PTGFRN: variants seen among roughly 807,000 people sequenced by gnomAD.
The protein encoded by PTGFRN is prostaglandin F2 receptor inhibitor.
In PTGFRN, 35 loss-of-function variants were observed where a neutral mutation model predicts 83.2. The observed-to-expected ratio is 0.42, with a 90% CI of 0.32 to 0.56. The LOEUF (loss-of-function observed/expected upper bound fraction) is 0.56, where lower values mean the gene tolerates loss of function less well. PTGFRN is among the 20% of genes least tolerant of loss of function. The pLI, the probability that PTGFRN is intolerant of heterozygous loss-of-function variation, is 0.11. For synonymous variants in PTGFRN, 519 were observed against 498.6 expected (o/e 1.04, Z -0.55); for missense variants, 1,051 against 1,179.5 (o/e 0.89, Z 1.60).
At chr1:116,969,503 T>C (rs1650934157) in intron 6 of PTGFRN, among the ~76,000 whole-genome samples, 2 of 152,218 alleles carry the variant, frequency 1.3e-5, no homozygotes, top group African/African-American at 4.8e-5. Context: ...TTACTGTAGC[T>C]TTGTAGTTAG....
intron 6 of PTGFRN, among the ~76,000 whole-genome samples, chr1:116,973,329 A>G (rs530433516): frequency 9.1e-4 from 139 of 152,210 alleles, no homozygotes; most frequent in African/African-American, 3.3e-3. Context: ...CAACCTCAGT[A>G]GTCTCTTAAA....
At position 116,944,840 on chromosome 1, in the gene PTGFRN, C is replaced by T. The variant is rs1451622057; in HGVS notation, c.580C>T (p.Arg194Trp). Residue 194 changes from arginine (R) to tryptophan (W), a missense_variant, in exon 3 of 9, where the codon CGG becomes TGG. Physicochemically the swap from Arg to Trp is moderately radical, Grantham distance 101 (BLOSUM62 -3). Around this residue, in one of 3 missense-constraint regions of PTGFRN, gnomAD observed 205 missense variants for 174.5 expected, o/e 1.17. Coordinates refer to ENST00000393203, the MANE Select transcript of PTGFRN (RefSeq NM_020440.4). ...GGAGGTGCACCGCGGCCCGGCCAGG[C>T]GGAGCGTCCTCGCCCTGACCCACGA... Reference protein sequence around the residue: ...LWEVHRGPARRSVLALTHEGR... With the variant: ...LWEVHRGPARWSVLALTHEGR... The T allele has an allele frequency of 5.0e-6, 8 of 1,588,930 alleles. No homozygotes were observed. The highest frequency in any genetic ancestry group is 4.5e-5 in the East Asian group (2 of 43,960).
intron 3 of PTGFRN, 75 bp from the exon 4 acceptor site, chr1:116,949,117 G>A (rs182755489): frequency 8.3e-4 from 1,234 of 1,493,680 alleles, no homozygotes; most frequent in Non-Finnish European, 1.0e-3. Flanking sequence ...AAAAGGAGAT[G>A]CTTTAAAGAG....
rs372097639 is a variant in PTGFRN, at chr1:116,970,249, T to C, written c.2059+2919T>C. Among the ~76,000 whole-genome samples the C allele has an allele frequency of 6.4e-4, 97 of 152,324 alleles. 2 individuals carry two copies. In the South Asian group the frequency reaches 0.02, roughly 32 times the overall value. On this transcript the variant is annotated intron_variant, in intron 6 of 8. Transcript: ENST00000393203. ...ACTGTGGGATTTTCATAGATGCCCT[T>C]TATCAGATTGAGGAAGTTTCCTTCC... is the stretch of plus-strand genomic sequence containing the variant.
rs1351801210 is a variant in PTGFRN at position 116,990,058 on chromosome 1, A to T, written c.*3091A>T. 1 of 152,624 alleles carries T rather than the reference A, an allele frequency of 6.6e-6. No homozygotes were observed. Among genetic ancestry groups the T allele is most frequent in the Non-Finnish European group, 1.5e-5 (1 of 68,042 alleles). The allele number at this position is 152,624 out of a possible 1,614,324, so 9.5% of individuals were successfully genotyped here. A position where few individuals can be genotyped will look rare whatever the true frequency, so the allele number is the denominator to read the frequency against. On this transcript the variant is annotated 3_prime_UTR_variant, in exon 9 of 9. Coordinates refer to ENST00000393203, the MANE Select transcript of PTGFRN (RefSeq NM_020440.4). The stretch of plus-strand genomic sequence containing the variant: ...TTTCAGAAAACTTTTTTTTAGCTTC[A>T]CCGATGACAACAGAGGAAGAAGGGA...
chr1:116,944,943 ACGCCTAC>A lies in PTGFRN; in HGVS notation c.689_695del (p.Tyr230SerfsTer42). 6.2e-7 allele frequency: 1 copy of A among 1,613,212 alleles called. No individual in the cohort carries two copies. Among genetic ancestry groups the A allele is most frequent in the Non-Finnish European group, 8.5e-7 (1 of 1,179,994 alleles). On this transcript the variant is annotated frameshift_variant, in exon 3 of 9. Transcript: ENST00000393203. LOFTEE classifies it high-confidence loss of function. ...GTGCGCCTCGACACCGTGGGCAGCGACGCCTACCGCCTCTCAGTGTCCCGGGCTCTGT... is the reference window on the plus strand; with the variant it reads ...GTGCGCCTCGACACCGTGGGCAGCGACGCCTCTCAGTGTCCCGGGCTCTGT...
intron 5 of PTGFRN, among the ~76,000 whole-genome samples, chr1:116,965,257 G>C (rs1457874056): frequency 6.6e-6 from 1 of 151,824 alleles, no homozygotes; most frequent in Non-Finnish European, 1.5e-5. Flanking sequence ...ACCTCCTTCA[G>C]GTCCTTTTTA....
At chr1:116,972,429 A>G (rs1447060592) in intron 6 of PTGFRN, among the ~76,000 whole-genome samples, 2 of 152,216 alleles carry the variant, frequency 1.3e-5, no homozygotes, top group African/African-American at 4.8e-5. Flanking sequence ...CAGGAAAACA[A>G]AAAATATTTA....
chr1:116,945,717 C>T (rs1039744621), intron 3 of PTGFRN, among the ~76,000 whole-genome samples: 7 of 151,300 alleles, frequency 4.6e-5, no homozygotes, highest in African/African-American at 1.5e-4. Flanking sequence ...GTACAAGAAG[C>T]CCTTTGTCCT....
intron 7 of PTGFRN, among the ~76,000 whole-genome samples, chr1:116,983,046 A>G (rs559821700): frequency 3.0e-4 from 46 of 152,276 alleles, no homozygotes; most frequent in African/African-American, 9.4e-4. Flanking sequence ...AATGTTGTTC[A>G]TGGTGACCAA....
intron 6 of PTGFRN, among the ~76,000 whole-genome samples, chr1:116,968,021 G>A (rs1337260077): frequency 6.6e-6 from 1 of 152,180 alleles, no homozygotes; most frequent in Non-Finnish European, 1.5e-5. Context: ...AGGGAATTGA[G>A]CCTCCCAAGG....
rs1484719015 is a variant in PTGFRN, at chr1:116,923,174, T to C, written c.49+12922T>C. On this transcript the variant is annotated intron_variant, in intron 1 of 8. Coordinates refer to ENST00000393203, the MANE Select transcript of PTGFRN (RefSeq NM_020440.4). This position sits in a 1 kb window ranked among gnomAD's most constrained non-coding sequence, Gnocchi z 4.0. ...ATGTCTGTTTTTGCTTACCCCAGCA[T>C]GTAGGAACTTGAATCTTTGAATAAT... Among the ~76,000 whole-genome samples the C allele has an allele frequency of 6.6e-6, 1 of 152,208 alleles. No homozygotes were observed. Among genetic ancestry groups the C allele is most frequent in the East Asian group, 1.9e-4 (1 of 5,196 alleles).
chr1:116,940,089 G>C (rs1650022210), intron 1 of PTGFRN, among the ~76,000 whole-genome samples: 1 of 152,174 alleles, frequency 6.6e-6, no homozygotes, highest in Admixed American at 6.5e-5. Flanking sequence ...TTCAAAACAT[G>C]AATTAAACCA....
intron 3 of PTGFRN, among the ~76,000 whole-genome samples, chr1:116,946,325 T>TG (rs1199856727): frequency 1.3e-5 from 2 of 152,148 alleles, no homozygotes; most frequent in Non-Finnish European, 2.9e-5. Flanking sequence ...CTGAGGTTCT[T>TG]GAGTGACTAT....
chr1:116,975,411 C>T (rs566710674), intron 7 of PTGFRN, among the ~76,000 whole-genome samples: 15 of 152,314 alleles, frequency 9.8e-5, no homozygotes, highest in African/African-American at 3.1e-4. Context: ...GATCTGAGAA[C>T]GGACAGACTG....
At chr1:116,954,185 G>T (rs1191501483) in intron 4 of PTGFRN, among the ~76,000 whole-genome samples, 5 of 152,056 alleles carry the variant, frequency 3.3e-5, no homozygotes, top group Non-Finnish European at 7.4e-5. Context: ...TGGGTGCAGG[G>T]CATAGATGTT....
intron 1 of PTGFRN, among the ~76,000 whole-genome samples, chr1:116,917,600 A>G (rs1484012605): frequency 3.9e-5 from 6 of 152,106 alleles, no homozygotes; most frequent in Admixed American, 3.9e-4. Flanking sequence ...CAGACATGCT[A>G]GTTAGAGGTT....
intron 1 of PTGFRN, among the ~76,000 whole-genome samples, chr1:116,926,678 C>G (rs1389396350): frequency 6.6e-6 from 1 of 152,100 alleles, no homozygotes; most frequent in African/African-American, 2.4e-5. Context: ...TAAAGCAATG[C>G]TATGCATGTA....
At chr1:116,917,663 G>A (rs1015788480) in intron 1 of PTGFRN, among the ~76,000 whole-genome samples, 3 of 152,028 alleles carry the variant, frequency 2.0e-5, no homozygotes, top group African/African-American at 7.3e-5. Context: ...AGGGTCTCAC[G>A]CTATCACCCT....
Sources: allele counts gnomAD v4.1 joint callset (sites outside exome capture counted in the v4.1 genomes callset), GRCh38; gene constraint gnomAD v4.1.1; regional missense constraint gnomAD v4.1.1; non-coding constraint Gnocchi (gnomAD v3.1); transcripts MANE v1.5; gene names NCBI Gene and HGNC (gene_info 2026-07-23, HGNC 2026-07-21).